Variants in DMXL1 observed in about 807,000 individuals in gnomAD.
DMXL1 encodes the protein dmX-like protein 1.
Under a neutral mutation model 319.2 loss-of-function variants are expected in DMXL1, and 99 were observed. That is an observed-to-expected ratio of 0.31 (90% CI 0.26 to 0.37). The LOEUF (loss-of-function observed/expected upper bound fraction) is 0.37, where lower values mean the gene tolerates loss of function less well. Among genes scored for constraint, DMXL1 ranks in the 10% least tolerant of loss-of-function variants. The pLI is 1.00. For missense variants in DMXL1, 3,745 were observed against 3,595.6 expected (o/e 1.04, Z -1.06); for synonymous variants, 1,385 against 1,235.2 (o/e 1.12, Z -2.54).
Position 119,240,397 on chromosome 5 carries a change from TAA to T in DMXL1, c.8652-21_8652-20del. On this transcript the variant is annotated intron_variant, in intron 41 of 43. Transcript: ENST00000539542. Reference sequence around the variant, plus strand: ...TGTTAGCTTTTGTGTCACTCAGAAGTAATCTTTTTTTTTTTTTCCAGAAACGT... The same window carrying T: ...TGTTAGCTTTTGTGTCACTCAGAAGTTCTTTTTTTTTTTTTCCAGAAACGT... 7.0e-6 allele frequency: 11 copies of T among 1,563,518 alleles called. No individual in the cohort carries two copies. The highest frequency in any genetic ancestry group is 9.6e-6 in the Non-Finnish European group (11 of 1,144,942).
rs375992961 is a variant in DMXL1, at chr5:119,148,768, G to T, written c.2941G>T (p.Ala981Ser). 88 of 1,613,100 alleles carry T rather than the reference G, an allele frequency of 5.5e-5. No individual in the cohort carries two copies. The highest frequency in any genetic ancestry group is 7.1e-5 in the Non-Finnish European group (84 of 1,179,468). ...TCTGAGTTCATCTTCTATATATCCT[G>T]CATGCAGTGCTCCTTATTTATTGGC... ...GHLSSSSIYP[A>S]CSAPYLLATS... is the part of the protein sequence containing the mutation. The change falls in exon 18 of 44, where the codon GCA (alanine) becomes TCA (serine). Residue 981 changes from alanine (A) to serine (S), a missense_variant. Physicochemically the swap from Ala to Ser is moderately conservative, Grantham distance 99. Transcript: ENST00000539542.
intron 34 of DMXL1, among the ~76,000 whole-genome samples, chr5:119,216,122 A>G (rs1049748502): frequency 6.7e-5 from 10 of 148,484 alleles, no homozygotes; most frequent in African/African-American, 2.3e-4. Flanking sequence ...AAAAAAAAAA[A>G]GCAGGATAAT....
chr5:119,147,733 G>C (rs79435830), intron 17 of DMXL1, among the ~76,000 whole-genome samples: 6 of 152,128 alleles, frequency 3.9e-5, no homozygotes, highest in Non-Finnish European at 8.8e-5. Flanking sequence ...GACAGTTTCT[G>C]GAGCGGAGAT....
intron 28 of DMXL1, chr5:119,178,674 C>T (rs1163080149): frequency 1.0e-6 from 1 of 984,868 alleles, no homozygotes. Context: ...TCTCATAGCC[C>T]TCCCAGTCTT....
Position 119,133,613 on chromosome 5 carries a change from A to G in DMXL1, c.1689A>G (p.Lys563=), listed in dbSNP as rs1241924770. ...TTGACTTGGCTATTCAGCAGGGGAA[A>G]CAAAAACCTTCTGGCCTCACCCGTT... is the stretch of plus-strand genomic sequence containing the variant. ...KNVDLAIQQG[K]QKPSGLTRST... is the part of the protein sequence containing the mutation. The change falls in exon 12 of 44, where the codon AAA becomes AAG. Residue 563 remains lysine, a synonymous_variant. Transcript: ENST00000539542. 3 of 1,614,198 alleles carry G rather than the reference A, an allele frequency of 1.9e-6. No individual in the cohort carries two copies. The highest frequency in any genetic ancestry group is 3.3e-5 in the Admixed American group (2 of 60,022).
intron 30 of DMXL1, among the ~76,000 whole-genome samples, chr5:119,195,497 T>C (rs1457091833): frequency 6.6e-6 from 1 of 152,332 alleles, no homozygotes; most frequent in Admixed American, 6.5e-5. Flanking sequence ...TTATAGTATG[T>C]GATTTCACTT....
intron 13 of DMXL1, among the ~76,000 whole-genome samples, chr5:119,136,070 G>C (rs899831120): frequency 1.3e-5 from 2 of 152,194 alleles, no homozygotes; most frequent in Non-Finnish European, 2.9e-5. Context: ...ATAGTGATAC[G>C]GACAATGAAG....
chr5:119,242,645 C>A (rs1789038958), intron 42 of DMXL1, among the ~76,000 whole-genome samples: 1 of 152,118 alleles, frequency 6.6e-6, no homozygotes, highest in South Asian at 2.1e-4. Context: ...AAAGGAATAG[C>A]CAACCAAATA....
rs984501011 is a variant in DMXL1, at chr5:119,138,476, G to A, written c.2376+4087G>A. Among the ~76,000 whole-genome samples, 6 of 152,280 alleles carry A rather than the reference G, an allele frequency of 3.9e-5. No individual in the cohort carries two copies. The East Asian group carries it at 7.7e-4, about 20-fold the overall frequency. On this transcript the variant is annotated intron_variant, in intron 13 of 43. Transcript: ENST00000539542. ...AGGTCTGGCCTGAAAATATACAGTA[G>A]TTGTCAGCATATAAATTTGAAGTTG...
intron 5 of DMXL1, among the ~76,000 whole-genome samples, 177 bp downstream of exon 5, chr5:119,110,460 T>C (rs576425967): frequency 6.6e-4 from 100 of 152,358 alleles, no homozygotes; most frequent in African/African-American, 2.3e-3. Flanking sequence ...CAAATACATT[T>C]TTTAAAAATG....
chr5:119,241,117 T>C (rs1788705486), intron 42 of DMXL1, among the ~76,000 whole-genome samples: 1 of 152,160 alleles, frequency 6.6e-6, no homozygotes, highest in Non-Finnish European at 1.5e-5. Context: ...AACACATATT[T>C]TGTATATGTG....
Position 119,153,145 on chromosome 5 carries a change from T to A in DMXL1, c.4702+1109T>A, listed in dbSNP as rs573246464. Reference sequence around the variant, plus strand: ...GCGCACACCACCACGCCTGGCTAATTTTTGTATTTTTAATAGAGATGGGGT... The same window carrying A: ...GCGCACACCACCACGCCTGGCTAATATTTGTATTTTTAATAGAGATGGGGT... On this transcript the variant is annotated intron_variant, in intron 19 of 43. Transcript: ENST00000539542. Among the ~76,000 whole-genome samples the A allele has an allele frequency of 7.9e-5, 12 of 152,174 alleles. 1 individual carries two copies. Among genetic ancestry groups the A allele is most frequent in the African/African-American group, 2.6e-4 (11 of 41,516 alleles).
chr5:119,105,142 C>T (rs1023323267), intron 3 of DMXL1, 38 bp from the exon 4 acceptor site: 5 of 1,298,198 alleles, frequency 3.9e-6, no homozygotes, highest in Non-Finnish European at 5.6e-6. Flanking sequence ...AGAAAATATG[C>T]CAATCATAAT....
intron 9 of DMXL1, among the ~76,000 whole-genome samples, chr5:119,124,507 T>A (rs1285994355): frequency 6.6e-6 from 1 of 151,654 alleles, no homozygotes; most frequent in Non-Finnish European, 1.5e-5. Flanking sequence ...TAAAAACTAG[T>A]TGTTGTTGAT....
chr5:119,194,084 ACCC>A, intron 30 of DMXL1, 114 bp downstream of exon 30: 1 of 689,964 alleles, frequency 1.4e-6, no homozygotes, highest in Non-Finnish European at 2.1e-6. Context: ...ACACATTATA[ACCC>A]AGATTTCTTT....
intron 38 of DMXL1, among the ~76,000 whole-genome samples, chr5:119,225,880 A>G (rs1171853182): frequency 1.3e-5 from 2 of 152,190 alleles, no homozygotes; most frequent in Non-Finnish European, 2.9e-5. Context: ...CATGAAGCCT[A>G]TAGTGTAAGG....
chr5:119,166,639 C>T lies in DMXL1; in HGVS notation c.4994C>T (p.Thr1665Ile). ...LYRAEKNTRM[T>I]QFFGHNFEDE... ...AGAGCTGAAAAAAACACCAGGATGA[C>T]ACAGTTTTTTGGACACAATTTTGAG... The change falls in exon 22 of 44, where the codon ACA becomes ATA. Residue 1665 changes from threonine (T) to isoleucine (I), a missense_variant. By Grantham distance (89) the Thr-to-Ile change is moderately conservative (BLOSUM62 -1). This residue lies in a region of DMXL1 where 2,096 missense variants were observed against 1,985.4 expected (regional missense o/e 1.06). Coordinates refer to ENST00000539542, the MANE Select transcript of DMXL1 (RefSeq NM_001290321.3). The T allele has an allele frequency of 1.9e-6, 3 of 1,607,838 alleles. 1 individual carries two copies. Among genetic ancestry groups the T allele is most frequent in the South Asian group, 2.2e-5 (2 of 89,516 alleles).
chr5:119,157,415 G>A (rs2150183037), intron 19 of DMXL1, among the ~76,000 whole-genome samples: 1 of 152,270 alleles, frequency 6.6e-6, no homozygotes, highest in Non-Finnish European at 1.5e-5. Context: ...ATGACATGTA[G>A]TTTTCCCTCT....
Position 119,071,554 on chromosome 5 carries a change from G to C in DMXL1, c.-16G>C, listed in dbSNP as rs1483281191. 6.3e-7 allele frequency: 1 copy of C among 1,597,396 alleles called. No individual in the cohort carries two copies. Among genetic ancestry groups the C allele is most frequent in the South Asian group, 1.1e-5 (1 of 87,916 alleles). ...TGAGCTGGATGCGGTGTCCGTTGCA[G>C]GACTAGGGCGCCGACATGAACCTGC... On this transcript the variant is annotated 5_prime_UTR_variant, in exon 1 of 44. Coordinates refer to ENST00000539542, the MANE Select transcript of DMXL1 (RefSeq NM_001290321.3).
Sources: gnomAD v4.1 joint callset for allele counts (sites outside exome capture counted in the v4.1 genomes callset) on GRCh38, gnomAD v4.1.1 for gene constraint, gnomAD v4.1.1 regional missense constraint, MANE v1.5 for transcripts, NCBI Gene and HGNC (gene_info 2026-07-23, HGNC 2026-07-21) for gene names.